TXNRD3: variants seen among roughly 807,000 people sequenced by gnomAD.
TXNRD3 encodes TXNRD3 neighbor gene protein.
In TXNRD3, 68 loss-of-function variants were observed where a neutral mutation model predicts 78.2. The ratio of observed to expected loss-of-function variants is 0.87; its 90% confidence interval spans 0.72 to 1.06. The LOEUF (loss-of-function observed/expected upper bound fraction) is 1.06, where lower values mean the gene tolerates loss of function less well. Among genes scored for constraint, TXNRD3 ranks in the 50% least tolerant of loss-of-function variants. The pLI is 0.00. For missense variants in TXNRD3, 751 were observed against 809.5 expected (o/e 0.93, Z 0.88); for synonymous variants, 296 against 300.1 (o/e 0.99, Z 0.14).
chr3:126,654,238 C>T (rs895539372), intron 1 of TXNRD3, among the ~76,000 whole-genome samples: 1 of 152,132 alleles, frequency 6.6e-6, no homozygotes, highest in African/African-American at 2.4e-5. Flanking sequence ...ATAGTTTATG[C>T]TTTTGCATAC....
intron 7 of TXNRD3, among the ~76,000 whole-genome samples, chr3:126,632,659 C>CAA (rs71615915): frequency 1.7e-5 from 1 of 59,286 alleles, no homozygotes; most frequent in African/African-American, 6.0e-5. Context: ...GACTCTGTCT[C>CAA]AAAAAAAAAA....
In TXNRD3 at chr3:126,630,904, G is replaced by C; in HGVS notation, c.1005C>G (p.Gly335=). 6.5e-7 allele frequency: 1 copy of C among 1,536,106 alleles called. No homozygotes were observed. The highest frequency in any genetic ancestry group is 8.7e-7 in the Non-Finnish European group (1 of 1,146,876). The change falls in exon 9 of 16, where the codon GGC becomes GGG. Residue 335 remains glycine (G), a synonymous_variant. Coordinates refer to ENST00000524230, the MANE Select transcript of TXNRD3 (RefSeq NM_052883.3). ...AAGAGGCACCCACCACTAATGTTTT[G>C]CCAGGGCAATAAGGCAGAGAAAAAA...
At chr3:126,645,566 T>C (rs1003953252) in intron 3 of TXNRD3, among the ~76,000 whole-genome samples, 2 of 152,230 alleles carry the variant, frequency 1.3e-5, no homozygotes, top group Non-Finnish European at 2.9e-5. Context: ...ACTCATATTG[T>C]ATACATATAT....
In TXNRD3 at chr3:126,622,558, T is replaced by C. The variant is rs1159912033; in HGVS notation, c.1291-18A>G. The C allele has an allele frequency of 6.6e-7, 1 of 1,521,814 alleles. No homozygotes were observed. The highest frequency in any genetic ancestry group is 1.2e-5 in the South Asian group (1 of 82,522). The allele number at this position is 1,521,814 out of a possible 1,614,324, so 94.3% of individuals were successfully genotyped here. ...AACAAAACCTGCATTTGCAGAGAAATCAAAAACACAAATTATCCATATCGG... is the reference window on the plus strand; with the variant it reads ...AACAAAACCTGCATTTGCAGAGAAACCAAAAACACAAATTATCCATATCGG... On this transcript the variant is annotated intron_variant, in intron 10 of 15. Coordinates refer to ENST00000524230, the MANE Select transcript of TXNRD3 (RefSeq NM_052883.3).
chr3:126,655,104 T>C lies in TXNRD3; in HGVS notation c.-114A>G. On this transcript the variant is annotated 5_prime_UTR_variant, in exon 1 of 16. Coordinates refer to ENST00000524230, the MANE Select transcript of TXNRD3 (RefSeq NM_052883.3). ...CGAACGCTGCCCTCGCTGGCCACTC[T>C]CACCACCCGCGCGAATCCGCGAGGC... 7.7e-7 allele frequency: 1 copy of C among 1,299,738 alleles called. No homozygotes were observed. The highest frequency in any genetic ancestry group is 9.8e-7 in the Non-Finnish European group (1 of 1,023,252). The allele number at this position is 1,299,738 out of a possible 1,614,324, so 80.5% of individuals were successfully genotyped here. A position where few individuals can be genotyped will look rare whatever the true frequency, so the allele number is the denominator to read the frequency against.
chr3:126,629,384 T>A lies in TXNRD3; in HGVS notation c.1285A>T (p.Asn429Tyr). Residue 429 changes from asparagine (N) to tyrosine (Y), a missense_variant, in exon 10 of 16, where the codon AAC (asparagine) becomes TAC (tyrosine). Asn to Tyr is a moderately radical substitution (Grantham distance 143). Coordinates refer to ENST00000524230, the MANE Select transcript of TXNRD3 (RefSeq NM_052883.3). The stretch of plus-strand genomic sequence containing the variant: ...ATGATAAAATAAAAACTCACTGTGT[T>A]ATAGACTCCTTCAATTGTTTCTGTT... The A allele has an allele frequency of 3.3e-6, 5 of 1,534,322 alleles. No homozygotes were observed. The highest frequency in any genetic ancestry group is 4.4e-6 in the Non-Finnish European group (5 of 1,145,514).
At chr3:126,628,181 A>G (rs1048319240) in intron 10 of TXNRD3, among the ~76,000 whole-genome samples, 1 of 152,160 alleles carries the variant, frequency 6.6e-6, no homozygotes, top group African/African-American at 2.4e-5. Flanking sequence ...GTAACAAAAA[A>G]TAGAAAACGA....
chr3:126,641,905 T>C, intron 6 of TXNRD3, 127 bp downstream of exon 6: 1 of 1,203,896 alleles, frequency 8.3e-7, no homozygotes, highest in South Asian at 1.7e-5. Flanking sequence ...GCTGACACAG[T>C]AGCTTCCTAA....
chr3:126,619,847 A>G (rs1452211548), intron 12 of TXNRD3, among the ~76,000 whole-genome samples: 2 of 152,236 alleles, frequency 1.3e-5, no homozygotes, highest in Non-Finnish European at 2.9e-5. Flanking sequence ...TACAATCATT[A>G]TGTGTCAACT....
At chr3:126,650,788 TCTTAACTAG>T (rs1327412598) in intron 1 of TXNRD3, among the ~76,000 whole-genome samples, 3 of 152,248 alleles carry the variant, frequency 2.0e-5, no homozygotes, top group African/African-American at 7.2e-5. Context: ...GATACTAGTT[TCTTAACTAG>T]ATGCTCTTTC....
At chr3:126,637,031 C>T (rs1443538926) in intron 6 of TXNRD3, among the ~76,000 whole-genome samples, 1 of 151,942 alleles carries the variant, frequency 6.6e-6, no homozygotes, top group Non-Finnish European at 1.5e-5. Context: ...ATTGGACACC[C>T]CTGGTTTAAA....
At chr3:126,632,582 C>G (rs1315990080) in intron 7 of TXNRD3, among the ~76,000 whole-genome samples, 1 of 150,714 alleles carries the variant, frequency 6.6e-6, no homozygotes. Flanking sequence ...ATTGCTTGAA[C>G]CCGGGAGCTG....
intron 1 of TXNRD3, among the ~76,000 whole-genome samples, chr3:126,648,927 C>T (rs1219037335): frequency 6.6e-6 from 1 of 152,104 alleles, no homozygotes; most frequent in African/African-American, 2.4e-5. Flanking sequence ...ATCATGGAGT[C>T]CAGGAGTTTG....
chr3:126,608,397 T>A, intron 15 of TXNRD3, 102 bp downstream of exon 15: 1 of 1,209,804 alleles, frequency 8.3e-7, no homozygotes, highest in Non-Finnish European at 1.1e-6. Flanking sequence ...TTTAAAAATA[T>A]ACAAATCAGT....
In TXNRD3 at chr3:126,652,456, A is replaced by G. The variant is rs1162810002; in HGVS notation, c.243+2292T>C. On this transcript the variant is annotated intron_variant, in intron 1 of 15. Transcript: ENST00000524230. ...ATCAATCCCATAAAAAGAGTGAAAA[A>G]GGAAGCTAAATCTGACCGATTTTCT... Among the ~76,000 whole-genome samples, 5 of 152,346 alleles carry G rather than the reference A, an allele frequency of 3.3e-5. No individual in the cohort carries two copies. The East Asian group carries it at 7.7e-4, about 23-fold the overall frequency.
chr3:126,607,919 C>G lies in TXNRD3; in HGVS notation c.1918G>C (p.Gly640Arg). 1.3e-6 allele frequency: 2 copies of G among 1,516,532 alleles called. No individual in the cohort carries two copies. The highest frequency in any genetic ancestry group is 1.8e-6 in the Non-Finnish European group (2 of 1,131,678). 93.9% of individuals were successfully genotyped at this position (1,516,532 alleles called of 1,614,324 possible). A position where few individuals can be genotyped will look rare whatever the true frequency, so the allele number is the denominator to read the frequency against. ...CAGCAGCAGGCCTAGCCTCAGCAGC[C>G]TTTCTGAGTGATGTCTAGTCCTGAC... The change falls in exon 16 of 16, where the codon GGC becomes CGC. Residue 640 changes from glycine to arginine, a missense_variant. Gly to Arg is a moderately radical substitution (Grantham distance 125). Transcript: ENST00000524230.
intron 7 of TXNRD3, 97 bp from the exon 8 acceptor site, chr3:126,631,976 A>T: frequency 2.8e-6 from 2 of 722,562 alleles, no homozygotes; most frequent in Non-Finnish European, 4.7e-6. Flanking sequence ...TTCTCATTCA[A>T]CAGCAACAGC....
At chr3:126,633,130 G>A (rs1938762420) in intron 7 of TXNRD3, among the ~76,000 whole-genome samples, 1 of 152,066 alleles carries the variant, frequency 6.6e-6, no homozygotes. Context: ...CCAAAATATA[G>A]ATTATATGGC....
chr3:126,614,770 C>T (rs879684085), intron 13 of TXNRD3, among the ~76,000 whole-genome samples: 12 of 152,120 alleles, frequency 7.9e-5, no homozygotes, highest in Middle Eastern at 3.2e-3. Flanking sequence ...GATTTCAATT[C>T]TCTTTTACTT....
Sources: allele counts gnomAD v4.1 joint callset (sites outside exome capture counted in the v4.1 genomes callset), GRCh38; gene constraint gnomAD v4.1.1; transcripts MANE v1.5; gene names NCBI Gene and HGNC (gene_info 2026-07-23, HGNC 2026-07-21).